NALF1: variants seen among roughly 807,000 people sequenced by gnomAD.
NALF1 encodes NALCN channel auxiliary factor 1, also known as family with sequence similarity 155 member A.
A neutral mutation model predicts 48.4 loss-of-function variants in NALF1; 3 were observed. The ratio of observed to expected loss-of-function variants is 0.06; its 90% CI spans 0.03 to 0.16. The LOEUF is 0.16. NALF1 is among the 10% of genes least tolerant of loss of function. NALF1 has a pLI of 1.00. For synonymous variants in NALF1, 262 were observed against 245.7 expected, an observed-to-expected ratio of 1.07 and a Z score of -0.62; for missense variants, 526 against 571.5, an observed-to-expected ratio of 0.92 and a Z score of 0.81.
At chr13:107,290,660 T>A (rs748747843) in intron 1 of NALF1, among the ~76,000 whole-genome samples, 40 of 152,214 alleles carry the variant, frequency 2.6e-4, no homozygotes, top group Non-Finnish European at 5.1e-4. Context: ...CGCGGGTATG[T>A]CTTTATCAGC....
chr13:107,289,870 C>T (rs78286598), intron 1 of NALF1, among the ~76,000 whole-genome samples: 1,780 of 152,004 alleles, frequency 0.012, 60 homozygotes, highest in Admixed American at 0.077. Context: ...TGAATGGATA[C>T]GGAAGAATAA....
intron 1 of NALF1, among the ~76,000 whole-genome samples, chr13:107,682,271 G>A (rs944073335): frequency 1.3e-5 from 2 of 152,168 alleles, no homozygotes; most frequent in Admixed American, 6.5e-5. Flanking sequence ...TTAAGAAGCC[G>A]AAAACAGCCA....
At chr13:107,598,419 T>C (rs146329156) in intron 1 of NALF1, among the ~76,000 whole-genome samples, 1 of 152,328 alleles carries the variant, frequency 6.6e-6, no homozygotes, top group East Asian at 1.9e-4. Context: ...ATTTATAGAC[T>C]GATGTTTCCC....
At chr13:107,819,683 TTCTCTCTCTC>T (rs35254661) in intron 1 of NALF1, among the ~76,000 whole-genome samples, 11 of 136,468 alleles carry the variant, frequency 8.1e-5, no homozygotes, top group African/African-American at 1.6e-4. Flanking sequence ...CAGCTGGAAA[TTCTCTCTCTC>T]TCTCTCTCTC....
In NALF1 at chr13:107,362,599, C is replaced by A. The variant is rs1345898058; in HGVS notation, c.916-151844G>T. ...ACTGGATTAGCGCCCACCCTAATGA[C>A]CTCATCTTAATCATCTGTGAAGGCC... On this transcript the variant is annotated intron_variant, in intron 1 of 2. Coordinates refer to ENST00000375915, the MANE Select transcript of NALF1 (RefSeq NM_001080396.3). The surrounding 1 kb of genome is among the most constrained non-coding windows in gnomAD (Gnocchi z 4.6). Among the ~76,000 whole-genome samples the A allele has an allele frequency of 6.6e-6, 1 of 152,144 alleles. No individual in the cohort carries two copies. The highest frequency in any genetic ancestry group is 1.5e-5 in the Non-Finnish European group (1 of 68,030).
At chr13:107,734,626 G>A (rs541011447) in intron 1 of NALF1, among the ~76,000 whole-genome samples, 25 of 152,058 alleles carry the variant, frequency 1.6e-4, no homozygotes, top group African/African-American at 5.1e-4. Flanking sequence ...TCAAATCCCC[G>A]TTCTTTCTGA....
chr13:107,666,952 G>C (rs988504242), intron 1 of NALF1, among the ~76,000 whole-genome samples: 3 of 152,050 alleles, frequency 2.0e-5, no homozygotes, highest in South Asian at 2.1e-4. Flanking sequence ...AAGTTAATAT[G>C]AGTTTCTTTT....
chr13:107,250,385 C>A (rs1880673795), intron 1 of NALF1, among the ~76,000 whole-genome samples: 1 of 151,804 alleles, frequency 6.6e-6, no homozygotes, highest in South Asian at 2.1e-4. Flanking sequence ...AAAATATTGC[C>A]CTCAGCTATA....
intron 1 of NALF1, among the ~76,000 whole-genome samples, chr13:107,708,792 A>G (rs1165524326): frequency 1.3e-5 from 2 of 152,116 alleles, no homozygotes; most frequent in Non-Finnish European, 2.9e-5. Flanking sequence ...ACATAGGTAA[A>G]CGTGTGCCAT....
intron 1 of NALF1, among the ~76,000 whole-genome samples, chr13:107,820,859 G>T (rs978497581): frequency 6.6e-6 from 1 of 152,036 alleles, no homozygotes; most frequent in African/African-American, 2.4e-5. Context: ...TTAGAAACCC[G>T]GCAGCAAAAT....
rs551046500 is a variant in NALF1 at position 107,671,600 on chromosome 13, T to C, written c.915+194082A>G. Reference sequence around the variant, plus strand: ...AAAGACTGATGAACGTTACATAAAGTTAAAACTTTTATATAAAAACATACT... The same window carrying C: ...AAAGACTGATGAACGTTACATAAAGCTAAAACTTTTATATAAAAACATACT... On this transcript the variant is annotated intron_variant, in intron 1 of 2. Coordinates refer to ENST00000375915, the MANE Select transcript of NALF1 (RefSeq NM_001080396.3). 2.0e-5 allele frequency among the ~76,000 whole-genome samples: 3 copies of C among 152,224 alleles called. No homozygotes were observed. In the South Asian group the frequency reaches 6.2e-4, roughly 32 times the overall value.
chr13:107,597,113 A>C (rs1878776468), intron 1 of NALF1, among the ~76,000 whole-genome samples: 1 of 152,216 alleles, frequency 6.6e-6, no homozygotes, highest in African/African-American at 2.4e-5. Context: ...GTTACGTTTC[A>C]TACATGCCCT....
intron 1 of NALF1, among the ~76,000 whole-genome samples, chr13:107,476,818 TC>T (rs1218300469): frequency 6.6e-6 from 1 of 152,016 alleles, no homozygotes; most frequent in East Asian, 1.9e-4. Flanking sequence ...CTCTGCTGGG[TC>T]AATTAATACA....
At chr13:107,782,704 C>T (rs1201094708) in intron 1 of NALF1, among the ~76,000 whole-genome samples, 4 of 151,092 alleles carry the variant, frequency 2.6e-5, no homozygotes, top group African/African-American at 7.3e-5. Context: ...TTTGCCCCGC[C>T]GCCCCGTCTG....
chr13:107,343,305 T>G (rs1415921600), intron 1 of NALF1, among the ~76,000 whole-genome samples: 4 of 152,132 alleles, frequency 2.6e-5, no homozygotes, highest in Non-Finnish European at 1.5e-5. Context: ...AAAGGGAAAT[T>G]GATATGGTTT....
chr13:107,424,399 A>G (rs1318844268), intron 1 of NALF1, among the ~76,000 whole-genome samples: 1 of 152,104 alleles, frequency 6.6e-6, no homozygotes, highest in East Asian at 1.9e-4. Flanking sequence ...CAGCCTACTA[A>G]AGGGTTGAGA....
At chr13:107,212,930 T>C (rs1433877635) in intron 1 of NALF1, among the ~76,000 whole-genome samples, 1 of 152,082 alleles carries the variant, frequency 6.6e-6, no homozygotes, top group African/African-American at 2.4e-5. Flanking sequence ...GTGGCTCATG[T>C]TTTCATTGGC....
chr13:107,287,706 CTTT>C (rs59607599), intron 1 of NALF1, among the ~76,000 whole-genome samples: 5,466 of 127,854 alleles, frequency 0.043, 345 homozygotes, highest in African/African-American at 0.14. Flanking sequence ...TCTTTTCTTT[CTTT>C]TTTTTTTTTT....
chr13:107,768,981 T>C (rs377471084), intron 1 of NALF1, among the ~76,000 whole-genome samples: 18 of 151,714 alleles, frequency 1.2e-4, no homozygotes, highest in African/African-American at 2.4e-4. Flanking sequence ...AAATCAAAAC[T>C]ACAATGAGAT....
Sources: allele counts gnomAD v4.1 joint callset (sites outside exome capture counted in the v4.1 genomes callset), GRCh38; gene constraint gnomAD v4.1.1; non-coding constraint Gnocchi (gnomAD v3.1); transcripts MANE v1.5; gene names NCBI Gene and HGNC (gene_info 2026-07-23, HGNC 2026-07-21).